SFMBT2: variants seen among roughly 807,000 people sequenced by gnomAD.
SFMBT2 encodes Scm like with four mbt domains 2.
Under a neutral mutation model 110.1 loss-of-function variants are expected in SFMBT2, and 38 were observed. That is an observed-to-expected ratio of 0.35 (90% CI 0.27 to 0.45). The LOEUF is 0.45. Among genes scored for constraint, SFMBT2 ranks in the 20% least tolerant of loss-of-function variants. The pLI is 1.00. For synonymous variants in SFMBT2, 425 were observed against 425.4 expected, an observed-to-expected ratio of 1.00 and a Z score of 0.01; for missense variants, 1,011 against 1,094.9, an observed-to-expected ratio of 0.92 and a Z score of 1.08.
chr10:7,215,362 C>T (rs995616153), intron 11 of SFMBT2, among the ~76,000 whole-genome samples: 2 of 152,202 alleles, frequency 1.3e-5, no homozygotes, highest in Non-Finnish European at 2.9e-5. Context: ...ATCACACCAC[C>T]ACACTCCAGT....
chr10:7,372,126 C>A (rs1311709008), intron 2 of SFMBT2, among the ~76,000 whole-genome samples: 2 of 152,048 alleles, frequency 1.3e-5, no homozygotes, highest in African/African-American at 4.8e-5. Context: ...CCATGTTGGG[C>A]AGACTGGTCT....
chr10:7,251,636 G>A (rs916670696), intron 7 of SFMBT2, among the ~76,000 whole-genome samples: 65 of 152,292 alleles, frequency 4.3e-4, no homozygotes, highest in African/African-American at 1.4e-3. Flanking sequence ...ATAATAAAGC[G>A]TAGCCTGAAT....
intron 4 of SFMBT2, among the ~76,000 whole-genome samples, chr10:7,360,265 C>A (rs531679257): frequency 1.3e-5 from 2 of 152,186 alleles, no homozygotes; most frequent in South Asian, 4.1e-4. Context: ...CTCAGGAATT[C>A]GAGACTAGCC....
chr10:7,309,748 A>T (rs1842796847), intron 4 of SFMBT2, among the ~76,000 whole-genome samples: 2 of 152,212 alleles, frequency 1.3e-5, no homozygotes, highest in African/African-American at 4.8e-5. Context: ...GTAATTCAGT[A>T]AATGTCCTAC....
intron 5 of SFMBT2, 120 bp downstream of exon 5, chr10:7,285,746 T>C: frequency 1.5e-6 from 1 of 681,844 alleles, no homozygotes; most frequent in East Asian, 2.7e-5. Flanking sequence ...GCTATTTGGA[T>C]GGCAGTGTCT....
At chr10:7,394,925 A>G (rs889225177) in intron 1 of SFMBT2, among the ~76,000 whole-genome samples, 6 of 151,954 alleles carry the variant, frequency 3.9e-5, no homozygotes, top group Middle Eastern at 3.4e-3. Flanking sequence ...GAAGAAACAC[A>G]CCCTCCAACA....
chr10:7,190,786 G>A (rs1838574708), intron 15 of SFMBT2, among the ~76,000 whole-genome samples: 1 of 152,196 alleles, frequency 6.6e-6, no homozygotes, highest in African/African-American at 2.4e-5. Context: ...AGGACCTTAG[G>A]TGTCTCATCT....
chr10:7,307,205 A>G (rs1244601875), intron 4 of SFMBT2, among the ~76,000 whole-genome samples: 1 of 152,224 alleles, frequency 6.6e-6, no homozygotes, highest in East Asian at 1.9e-4. Context: ...GAAGATGTAA[A>G]CAAAGGAAAT....
intron 4 of SFMBT2, among the ~76,000 whole-genome samples, chr10:7,297,652 G>C (rs1842440438): frequency 6.6e-6 from 1 of 152,168 alleles, no homozygotes; most frequent in African/African-American, 2.4e-5. Flanking sequence ...TAAAAAACTA[G>C]TTGGAGAGAT....
intron 4 of SFMBT2, among the ~76,000 whole-genome samples, chr10:7,350,974 ATTGCTCTACTGTTGATACCACTT>A (rs1844295849): frequency 6.6e-6 from 1 of 152,204 alleles, no homozygotes; most frequent in Non-Finnish European, 1.5e-5. Flanking sequence ...AAGGCATTAG[ATTGCTCTACTGTTGATACCACTT>A]TTCCCAGCTC....
At chr10:7,233,674 A>G (rs1840175934) in intron 9 of SFMBT2, among the ~76,000 whole-genome samples, 1 of 152,236 alleles carries the variant, frequency 6.6e-6, no homozygotes, top group Non-Finnish European at 1.5e-5. Context: ...AAAGTTTCAC[A>G]ACTCACAGAG....
chr10:7,182,147 C>G (rs1258709289), intron 16 of SFMBT2, among the ~76,000 whole-genome samples: 5 of 152,300 alleles, frequency 3.3e-5, no homozygotes, highest in African/African-American at 1.2e-4. Flanking sequence ...AAGCGATTCT[C>G]CTGCCTCAGC....
Position 7,172,633 on chromosome 10 carries a change from G to T in SFMBT2, c.2013C>A (p.Ile671=). 6.2e-7 allele frequency: 1 copy of T among 1,614,162 alleles called. No homozygotes were observed. The highest frequency in any genetic ancestry group is 1.1e-5 in the South Asian group (1 of 91,072). The stretch of plus-strand genomic sequence containing the variant: ...TGCTTTCCCCGATGGGGGGCTTGGA[G>T]ATCTTCTTTCTCTTTCCATAGTAAT... ...YTYYYGKRKK[I]SKPPIGESNP... The change falls in exon 18 of 21, where the codon ATC becomes ATA. Residue 671 remains isoleucine, a synonymous_variant. Transcript: ENST00000397167. The surrounding 1 kb of genome is among the most constrained non-coding windows in gnomAD (Gnocchi z 4.6).
At chr10:7,337,577 T>A (rs1247303721) in intron 4 of SFMBT2, among the ~76,000 whole-genome samples, 1 of 152,210 alleles carries the variant, frequency 6.6e-6, no homozygotes, top group East Asian at 1.9e-4. Context: ...AAGACATGCC[T>A]GCTTCCCCTT....
chr10:7,254,707 A>G (rs983151795), intron 7 of SFMBT2, among the ~76,000 whole-genome samples: 2 of 152,142 alleles, frequency 1.3e-5, no homozygotes, highest in African/African-American at 4.8e-5. Flanking sequence ...GCACACCTGT[A>G]GTCCTAGCTA....
rs555813518 is a variant in SFMBT2, at chr10:7,322,458, G to A, written c.437-36504C>T. Among the ~76,000 whole-genome samples, 21 of 152,242 alleles carry A rather than the reference G, an allele frequency of 1.4e-4. No homozygotes were observed. The South Asian group carries it at 1.9e-3, about 14-fold the overall frequency. On this transcript the variant is annotated intron_variant, in intron 4 of 20. Coordinates refer to ENST00000397167, the MANE Select transcript of SFMBT2 (RefSeq NM_001387889.1). ...ACTCACACCTGTGATGAAAAAGGGC[G>A]CTCCCAGCTGAAACTGACTGGCCCT...
chr10:7,290,734 G>C (rs964804215), intron 4 of SFMBT2, among the ~76,000 whole-genome samples: 2 of 152,044 alleles, frequency 1.3e-5, no homozygotes, highest in African/African-American at 4.8e-5. Flanking sequence ...CTGCTTGGGA[G>C]GCTGAGGCAG....
In SFMBT2 at chr10:7,220,442, C is replaced by T. The variant is rs1839689871; in HGVS notation, c.1299G>A (p.Val433=). 1 of 1,614,100 alleles carries T rather than the reference C, an allele frequency of 6.2e-7. No individual in the cohort carries two copies. The highest frequency in any genetic ancestry group is 8.5e-7 in the Non-Finnish European group (1 of 1,179,946). ...GELCVASVVS[V]KGRLMWLHLE... ...GGTGAAGCCACATTAGCCGCCCCTT[C>T]ACACTCACAACGGAGGCCACACACA... The change falls in exon 11 of 21, where the codon GTG becomes GTA. Residue 433 remains valine, a synonymous_variant. Transcript: ENST00000397167.
Position 7,243,543 on chromosome 10 carries a change from T to G in SFMBT2, c.1120+15A>C. The stretch of plus-strand genomic sequence containing the variant: ...CTGAATCTCCAGACCCTGCATACCT[T>G]CACAGAATACAAACCTTTGGGAGGA... On this transcript the variant is annotated intron_variant, in intron 9 of 20. Transcript: ENST00000397167. The G allele has an allele frequency of 1.1e-6, 1 of 872,448 alleles. No homozygotes were observed. Among genetic ancestry groups the G allele is most frequent in the Non-Finnish European group, 2.0e-6 (1 of 501,494 alleles). 54.0% of individuals were successfully genotyped at this position (872,448 alleles called of 1,614,324 possible).
Sources: allele counts gnomAD v4.1 joint callset (sites outside exome capture counted in the v4.1 genomes callset), GRCh38; gene constraint gnomAD v4.1.1; non-coding constraint Gnocchi (gnomAD v3.1); transcripts MANE v1.5; gene names NCBI Gene and HGNC (gene_info 2026-07-23, HGNC 2026-07-21).